TMEM171: variants seen among roughly 807,000 people sequenced by gnomAD.
TMEM171 encodes the protein proline-rich protein PRP2.
Under a neutral mutation model 19.1 loss-of-function variants are expected in TMEM171, and 16 were observed. That is an observed-to-expected ratio of 0.84 (90% confidence interval 0.57 to 1.27). The LOEUF is 1.27. Among genes scored for constraint, TMEM171 ranks in the 50% most tolerant of loss-of-function variants. TMEM171 has a pLI of 0.00. For missense variants in TMEM171, 429 were observed against 412.7 expected (o/e 1.04, Z -0.34); for synonymous variants, 153 against 163.4 (o/e 0.94, Z 0.48).
At chr5:73,128,328 T>A in intron 2 of TMEM171, 62 bp from the exon 3 acceptor site, 1 of 1,581,570 alleles carries the variant, frequency 6.3e-7, no homozygotes, top group Non-Finnish European at 8.6e-7. Flanking sequence ...TTAATTTTGC[T>A]TTTGCTAATT....
At chr5:73,125,031 T>C (rs1250902241) in intron 2 of TMEM171, among the ~76,000 whole-genome samples, 4 of 152,170 alleles carry the variant, frequency 2.6e-5, no homozygotes, top group Non-Finnish European at 4.4e-5. Context: ...GGCTGTCTAC[T>C]GGAAGCAGTG....
At chr5:73,128,303 G>A in intron 2 of TMEM171, 87 bp from the exon 3 acceptor site, 6 of 1,515,444 alleles carry the variant, frequency 4.0e-6, no homozygotes, top group Non-Finnish European at 5.4e-6. Flanking sequence ...TTATATAGAT[G>A]GGCCAAATAT....
At chr5:73,127,384 A>AAAAAAAAAAAAAAT in intron 2 of TMEM171, among the ~76,000 whole-genome samples, 1 of 81,694 alleles carries the variant, frequency 1.2e-5, no homozygotes, top group Non-Finnish European at 2.2e-5. Flanking sequence ...AAAAAAAAAA[A>AAAAAAAAAAAAAAT]ATATATATAT....
chr5:73,127,398 T>A lies in TMEM171; in HGVS notation c.641-992T>A, dbSNP rs1300082945. On this transcript the variant is annotated intron_variant, in intron 2 of 3. Coordinates refer to ENST00000454765, the MANE Select transcript of TMEM171 (RefSeq NM_173490.8). ...AAAAAAAAAAAAATATATATATATA[T>A]ATATATATAAAGCATAAACAATTTA... Among the ~76,000 whole-genome samples the A allele has an allele frequency of 2.5e-4, 32 of 130,434 alleles. 1 individual carries two copies. Among genetic ancestry groups the A allele is most frequent in the Non-Finnish European group, 4.4e-4 (27 of 60,944 alleles). 85.6% of individuals were successfully genotyped at this position (130,434 alleles called of 152,430 possible).
chr5:73,128,705 G>C (rs1561514229), intron 3 of TMEM171, among the ~76,000 whole-genome samples, 174 bp downstream of exon 3: 1 of 152,082 alleles, frequency 6.6e-6, no homozygotes, highest in East Asian at 1.9e-4. Context: ...CAGCACATAA[G>C]TTAAAAATGA....
At position 73,123,418 on chromosome 5, in the gene TMEM171, C is replaced by T. The variant is rs1340691499; in HGVS notation, c.45C>T (p.Asp15=). The T allele has an allele frequency of 9.9e-6, 16 of 1,614,076 alleles. No individual in the cohort carries two copies. The African/African-American group carries it at 1.3e-4, about 13-fold the overall frequency. ...CTGAGCCAGATGGGGACCAGCAGGA[C>T]AGACACGTCAGCAAACTCATCTTCT... ...AAAEPDGDQQ[D]RHVSKLIFCF... is the part of the protein sequence containing the mutation. Residue 15 remains aspartate (D), a synonymous_variant, in exon 2 of 4, where the codon GAC becomes GAT. Transcript: ENST00000454765.
chr5:73,127,376 A>ATATATATATATATATATATAT (rs1744188021), intron 2 of TMEM171, among the ~76,000 whole-genome samples: 1 of 63,092 alleles, frequency 1.6e-5, no homozygotes, highest in African/African-American at 9.2e-5. Flanking sequence ...TGGTAAAAAA[A>ATATATATATATATATATATAT]AAAAAAAAAT....
chr5:73,122,857 G>A (rs1474343083), intron 1 of TMEM171, among the ~76,000 whole-genome samples: 1 of 152,164 alleles, frequency 6.6e-6, no homozygotes, highest in East Asian at 1.9e-4. Context: ...GTCTAAAACA[G>A]GAAATGGAAA....
chr5:73,130,144 G>A (rs1744293924), intron 3 of TMEM171, among the ~76,000 whole-genome samples: 1 of 152,058 alleles, frequency 6.6e-6, no homozygotes, highest in African/African-American at 2.4e-5. Context: ...TGAGATGAGG[G>A]CCTTGGAGGC....
At position 73,123,344 on chromosome 5, in the gene TMEM171, C is replaced by T. The variant is rs1580233080; in HGVS notation, c.-30C>T. 6.3e-7 allele frequency: 1 copy of T among 1,578,722 alleles called. No homozygotes were observed. The highest frequency in any genetic ancestry group is 8.6e-7 in the Non-Finnish European group (1 of 1,159,150). ...TTGGAGGGAAGAAAACACATCCCAC[C>T]CTGCCTCCGGGAAGGGGCCTCTCCT... On this transcript the variant is annotated 5_prime_UTR_variant, in exon 2 of 4. Transcript: ENST00000454765.
At chr5:73,123,215 G>C in intron 1 of TMEM171, 91 bp from the exon 2 acceptor site, 1 of 1,160,482 alleles carries the variant, frequency 8.6e-7, no homozygotes, top group South Asian at 1.7e-5. Context: ...AGGCCTCATT[G>C]TGGTGTGATT....
At chr5:73,121,004 G>A (rs1029333234) in intron 1 of TMEM171, among the ~76,000 whole-genome samples, 1 of 152,180 alleles carries the variant, frequency 6.6e-6, no homozygotes, top group Non-Finnish European at 1.5e-5. Flanking sequence ...GGAGAGGGGA[G>A]TTTGGCTTTG....
rs539180199 is a variant in TMEM171 at position 73,129,558 on chromosome 5, C to A, written c.782+1027C>A. Among the ~76,000 whole-genome samples, 4 of 152,318 alleles carry A rather than the reference C, an allele frequency of 2.6e-5. No homozygotes were observed. In the East Asian group the frequency reaches 7.7e-4, roughly 29 times the overall value. On this transcript the variant is annotated intron_variant, in intron 3 of 3. Coordinates refer to ENST00000454765, the MANE Select transcript of TMEM171 (RefSeq NM_173490.8). ...AACGGCCGTAGATTCCCTGCCTCCA[C>A]ACCCTATTCTTCTGCTCCAAGCCGA...
At chr5:73,126,148 A>G (rs918947056) in intron 2 of TMEM171, among the ~76,000 whole-genome samples, 5 of 152,192 alleles carry the variant, frequency 3.3e-5, no homozygotes, top group Non-Finnish European at 7.3e-5. Context: ...TGGAGGTAAC[A>G]GGGTTACTGG....
chr5:73,127,697 G>A (rs963701730), intron 2 of TMEM171, among the ~76,000 whole-genome samples: 2 of 147,474 alleles, frequency 1.4e-5, no homozygotes, highest in Non-Finnish European at 3.0e-5. Flanking sequence ...CACCCGCTTC[G>A]GCCTTCCAAA....
chr5:73,130,460 G>A (rs1744302505), intron 3 of TMEM171, among the ~76,000 whole-genome samples: 1 of 152,178 alleles, frequency 6.6e-6, no homozygotes, highest in Non-Finnish European at 1.5e-5. Context: ...GGCACAGAGA[G>A]ACTGGTGCTC....
chr5:73,127,789 G>A (rs1744216917), intron 2 of TMEM171, among the ~76,000 whole-genome samples: 1 of 151,444 alleles, frequency 6.6e-6, no homozygotes, highest in Admixed American at 6.6e-5. Context: ...CACCCAGGCT[G>A]GAGTGCAGTG....
At chr5:73,128,573 G>T in intron 3 of TMEM171, 42 bp downstream of exon 3, 2 of 1,610,132 alleles carry the variant, frequency 1.2e-6, no homozygotes, top group Non-Finnish European at 1.7e-6. Context: ...CCTGAATTCA[G>T]GCCACACTAG....
At chr5:73,120,779 C>T (rs1743986984) in intron 1 of TMEM171, 83 bp downstream of exon 1, 10 of 978,334 alleles carry the variant, frequency 1.0e-5, no homozygotes, top group Non-Finnish European at 1.2e-5. Flanking sequence ...CGCGGGGAGC[C>T]GCGGCAGCGC....
Sources: allele counts gnomAD v4.1 joint callset (sites outside exome capture counted in the v4.1 genomes callset), GRCh38; gene constraint gnomAD v4.1.1; transcripts MANE v1.5; gene names NCBI Gene and HGNC (gene_info 2026-07-23, HGNC 2026-07-21).